The following KCNB2 variants were observed in gnomAD, a reference collection of about 807,000 sequenced individuals.
KCNB2 encodes the protein delayed rectifier potassium channel protein.
In KCNB2, 15 loss-of-function variants were observed where a neutral mutation model predicts 61.5. That is an observed-to-expected ratio of 0.24 (90% confidence interval 0.16 to 0.38). KCNB2 has a LOEUF of 0.38. Ranked by LOEUF, KCNB2 falls within the 10% of genes least tolerant of loss-of-function variation. The pLI, the probability that KCNB2 is intolerant of heterozygous loss-of-function variation, is 1.00. For missense variants in KCNB2, 828 were observed against 1,125.2 expected (o/e 0.74, Z 3.78); for synonymous variants, 457 against 446.0 (o/e 1.02, Z -0.31).
chr8:72,762,019 C>T (rs1030477193), intron 2 of KCNB2, among the ~76,000 whole-genome samples: 1 of 152,120 alleles, frequency 6.6e-6, no homozygotes, highest in Non-Finnish European at 1.5e-5. Flanking sequence ...TTGTTTTAAA[C>T]TGGCATTACT....
chr8:72,920,566 C>G (rs1806503507), intron 2 of KCNB2, among the ~76,000 whole-genome samples: 1 of 147,892 alleles, frequency 6.8e-6, no homozygotes, highest in African/African-American at 2.5e-5. Context: ...TGGCTTGAGC[C>G]CAGAAGGTGG....
intron 2 of KCNB2, among the ~76,000 whole-genome samples, chr8:72,740,340 G>A (rs1442019824): frequency 1.3e-5 from 2 of 152,160 alleles, no homozygotes; most frequent in African/African-American, 4.8e-5. Context: ...AGGGACCCAT[G>A]TGTTGAACAG....
intron 2 of KCNB2, among the ~76,000 whole-genome samples, chr8:72,630,799 AT>A (rs1217046862): frequency 6.6e-6 from 1 of 151,954 alleles, no homozygotes; most frequent in African/African-American, 2.4e-5. Flanking sequence ...ACTAGCATGC[AT>A]TTTTTTTGGT....
intron 2 of KCNB2, among the ~76,000 whole-genome samples, chr8:72,857,768 T>A (rs1810231687): frequency 6.6e-6 from 1 of 152,230 alleles, no homozygotes; most frequent in South Asian, 2.1e-4. Context: ...GGAAAGGCGA[T>A]CCACTCATCA....
chr8:72,778,301 TA>T (rs1379034693), intron 2 of KCNB2, among the ~76,000 whole-genome samples: 1 of 152,158 alleles, frequency 6.6e-6, no homozygotes, highest in Non-Finnish European at 1.5e-5. Context: ...AAAAGAAAGT[TA>T]TTTCCATTGG....
intron 2 of KCNB2, among the ~76,000 whole-genome samples, chr8:72,713,108 G>A (rs909413845): frequency 2.0e-5 from 3 of 152,252 alleles, no homozygotes; most frequent in Non-Finnish European, 4.4e-5. Flanking sequence ...CAGCAAGGCT[G>A]GGGGAGGGGC....
rs146803951 is a variant in KCNB2 at position 72,539,801 on chromosome 8, A to G, written c.-94+1916A>G. Among the ~76,000 whole-genome samples the G allele has an allele frequency of 2.0e-5, 3 of 152,300 alleles. No individual in the cohort carries two copies. The East Asian group carries it at 5.8e-4, about 29-fold the overall frequency. On this transcript the variant is annotated intron_variant, in intron 1 of 2. Coordinates refer to ENST00000523207, the MANE Select transcript of KCNB2 (RefSeq NM_004770.3). ...ACAATTCAACTTTCCAAGCATACAT[A>G]TTTACTGAATATTCAGAGGAGTTAG...
intron 2 of KCNB2, among the ~76,000 whole-genome samples, chr8:72,792,165 C>T (rs963144269): frequency 2.0e-5 from 3 of 152,192 alleles, no homozygotes; most frequent in Admixed American, 2.0e-4. Flanking sequence ...CAATGTAGGG[C>T]TCTGGGCCTG....
At chr8:72,916,630 C>A (rs1336845256) in intron 2 of KCNB2, among the ~76,000 whole-genome samples, 1 of 152,172 alleles carries the variant, frequency 6.6e-6, no homozygotes, top group Non-Finnish European at 1.5e-5. Context: ...GCACTCCTGG[C>A]ACCCAAGTTC....
chr8:72,828,823 G>C (rs1473602431), intron 2 of KCNB2, among the ~76,000 whole-genome samples: 1 of 152,146 alleles, frequency 6.6e-6, no homozygotes, highest in Non-Finnish European at 1.5e-5. Flanking sequence ...TAAGGCTAGT[G>C]CATTTCCCTT....
chr8:72,796,982 C>G (rs76752475), intron 2 of KCNB2, among the ~76,000 whole-genome samples: 6 of 152,018 alleles, frequency 3.9e-5, no homozygotes, highest in African/African-American at 1.4e-4. Context: ...ATCTGATAAC[C>G]AATTAGGATC....
rs796505655 is a variant in KCNB2 at position 72,882,084 on chromosome 8, GA to G, written c.580-53840del. Among the ~76,000 whole-genome samples, 237 of 146,634 alleles carry G rather than the reference GA, an allele frequency of 1.6e-3. 1 individual carries two copies. The highest frequency in any genetic ancestry group is 3.0e-3 in the African/African-American group (122 of 40,214). ...TTCTGCAATCTTCTCTCCTTAGCAGGAAAAAAAAAAATGTACTGAAGTGATC... is the reference window on the plus strand; with the variant it reads ...TTCTGCAATCTTCTCTCCTTAGCAGGAAAAAAAAAATGTACTGAAGTGATC... On this transcript the variant is annotated intron_variant, in intron 2 of 2. Coordinates refer to ENST00000523207, the MANE Select transcript of KCNB2 (RefSeq NM_004770.3).
intron 2 of KCNB2, among the ~76,000 whole-genome samples, chr8:72,664,256 A>G (rs748953651): frequency 2.0e-5 from 3 of 152,184 alleles, no homozygotes; most frequent in Non-Finnish European, 2.9e-5. Flanking sequence ...CTGGTACTCT[A>G]TGCAGGGCCA....
intron 2 of KCNB2, among the ~76,000 whole-genome samples, chr8:72,744,997 T>G (rs1327095004): frequency 6.6e-6 from 1 of 152,210 alleles, no homozygotes; most frequent in Admixed American, 6.5e-5. Context: ...TGCATGGTCC[T>G]GGTTGACAGA....
At chr8:72,812,748 T>G (rs1394196055) in intron 2 of KCNB2, among the ~76,000 whole-genome samples, 2 of 152,148 alleles carry the variant, frequency 1.3e-5, no homozygotes, top group Non-Finnish European at 2.9e-5. Flanking sequence ...TACTTGGTCA[T>G]AAAGTGTTAT....
chr8:72,661,272 T>C (rs1806376316), intron 2 of KCNB2: 1 of 152,222 alleles, frequency 6.6e-6, no homozygotes, highest in African/African-American at 2.4e-5. Flanking sequence ...TGCCTCAGCC[T>C]CCCAAAGTGT....
intron 2 of KCNB2, among the ~76,000 whole-genome samples, chr8:72,697,049 C>T (rs1187543457): frequency 6.6e-6 from 1 of 152,144 alleles, no homozygotes; most frequent in Non-Finnish European, 1.5e-5. Context: ...GTGTAAATAT[C>T]ACTACTGCCT....
chr8:72,890,403 C>T (rs543163566), intron 2 of KCNB2, among the ~76,000 whole-genome samples: 2 of 152,290 alleles, frequency 1.3e-5, no homozygotes, highest in Admixed American at 1.3e-4. Context: ...AACAAAACAA[C>T]ATTAGCCCCT....
At chr8:72,595,684 G>T (rs968201930) in intron 2 of KCNB2, among the ~76,000 whole-genome samples, 1 of 152,108 alleles carries the variant, frequency 6.6e-6, no homozygotes, top group Non-Finnish European at 1.5e-5. Flanking sequence ...GCTCTGAGAA[G>T]CCTTCACAGA....
Sources: gnomAD v4.1 joint callset for allele counts (sites outside exome capture counted in the v4.1 genomes callset) on GRCh38, gnomAD v4.1.1 for gene constraint, MANE v1.5 for transcripts, NCBI Gene and HGNC (gene_info 2026-07-23, HGNC 2026-07-21) for gene names.